PLCE1: variants seen among roughly 807,000 people sequenced by gnomAD.
PLCE1 encodes the protein phospholipase C epsilon 1.
In PLCE1, 119 loss-of-function variants were observed where a neutral mutation model predicts 242.8. The ratio of observed to expected loss-of-function variants is 0.49; its 90% CI spans 0.42 to 0.57. PLCE1 has a LOEUF of 0.57. PLCE1 is among the 20% of genes least tolerant of loss of function. PLCE1 has a pLI of 0.00. For synonymous variants in PLCE1, 945 were observed against 1,017.4 expected (o/e 0.93, Z 1.35); for missense variants, 2,441 against 2,788.8 (o/e 0.88, Z 2.81).
In PLCE1 at chr10:94,004,799, C is replaced by T. The variant is rs74151951; in HGVS notation, c.-365+10541C>T. Reference sequence around the variant, plus strand: ...GGTGGGGACAATGGTGAGCAAGGTCCCCACAGCAACTGCCCATCTGAGTTT... The same window carrying T: ...GGTGGGGACAATGGTGAGCAAGGTCTCCACAGCAACTGCCCATCTGAGTTT... On this transcript the variant is annotated intron_variant, in intron 1 of 32. Coordinates refer to ENST00000371380, the MANE Select transcript of PLCE1 (RefSeq NM_016341.4). Among the ~76,000 whole-genome samples the T allele has an allele frequency of 9.9e-4, 151 of 152,288 alleles. 1 individual carries two copies. The highest frequency in any genetic ancestry group is 3.5e-3 in the African/African-American group (145 of 41,566).
intron 4 of PLCE1, among the ~76,000 whole-genome samples, chr10:94,204,520 T>C (rs1203203272): frequency 6.6e-6 from 1 of 151,834 alleles, no homozygotes; most frequent in Non-Finnish European, 1.5e-5. Flanking sequence ...TACAAAAAAT[T>C]AGCCAGGCGT....
intron 2 of PLCE1, among the ~76,000 whole-genome samples, chr10:94,102,995 TAA>T (rs895281498): frequency 6.6e-6 from 1 of 152,240 alleles, no homozygotes; most frequent in Non-Finnish European, 1.5e-5. Flanking sequence ...TGGCATGTTT[TAA>T]AAGAGTTCTT....
At chr10:94,258,965 C>T in intron 12 of PLCE1, 43 bp downstream of exon 12, 1 of 1,614,046 alleles carries the variant, frequency 6.2e-7, no homozygotes, top group South Asian at 1.1e-5. Flanking sequence ...CAGGCCCCCC[C>T]ATTTCTATAA....
chr10:94,265,399 CCTT>C (rs2133060782), intron 14 of PLCE1, among the ~76,000 whole-genome samples: 1 of 152,210 alleles, frequency 6.6e-6, no homozygotes, highest in East Asian at 1.9e-4. Flanking sequence ...TAGAAATCAG[CCTT>C]CTTTTCTCAT....
chr10:94,227,179 G>A, intron 4 of PLCE1, 127 bp from the exon 5 acceptor site: 1 of 857,630 alleles, frequency 1.2e-6, no homozygotes, highest in East Asian at 2.7e-5. Context: ...GCCCAGCCAG[G>A]ACCTACAGGT....
At chr10:94,289,451 TGA>T (rs2052571952) in intron 22 of PLCE1, among the ~76,000 whole-genome samples, 1 of 152,186 alleles carries the variant, frequency 6.6e-6, no homozygotes, top group Non-Finnish European at 1.5e-5. Flanking sequence ...AGAGACATTC[TGA>T]GAATGCTTCA....
chr10:94,215,821 G>A (rs1173723084), intron 4 of PLCE1, among the ~76,000 whole-genome samples: 1 of 152,160 alleles, frequency 6.6e-6, no homozygotes, highest in Non-Finnish European at 1.5e-5. Context: ...TACTGGAGAG[G>A]CTGTTGTGAG....
intron 3 of PLCE1, among the ~76,000 whole-genome samples, chr10:94,139,921 G>C (rs1385224547): frequency 6.6e-6 from 1 of 152,150 alleles, no homozygotes. Flanking sequence ...TTGTCCTCAA[G>C]TAAGCCAGGA....
chr10:94,211,538 T>C (rs1249466830), intron 4 of PLCE1, among the ~76,000 whole-genome samples: 1 of 152,262 alleles, frequency 6.6e-6, no homozygotes, highest in Non-Finnish European at 1.5e-5. Context: ...ATTGATTTAT[T>C]CGTTGTTACA....
intron 2 of PLCE1, among the ~76,000 whole-genome samples, chr10:94,086,964 T>TA (rs2135309162): frequency 6.6e-6 from 1 of 152,308 alleles, no homozygotes; most frequent in African/African-American, 2.4e-5. Context: ...TGGAGGTGAT[T>TA]AGTATTCTTG....
chr10:94,234,360 C>T, intron 6 of PLCE1, 48 bp downstream of exon 6: 11 of 1,596,494 alleles, frequency 6.9e-6, no homozygotes, highest in Non-Finnish European at 9.4e-6. Flanking sequence ...CTGTTGCTGG[C>T]TGTCTCATCA....
Position 94,325,063 on chromosome 10 carries a change from A to G in PLCE1, c.6892A>G (p.Met2298Val). 2 of 1,614,072 alleles carry G rather than the reference A, an allele frequency of 1.2e-6. No homozygotes were observed. The highest frequency in any genetic ancestry group is 1.1e-5 in the South Asian group (1 of 91,082). The change falls in exon 32 of 33, where the codon ATG (methionine) becomes GTG (valine). Residue 2298 changes from methionine to valine, a missense_variant. Physicochemically the swap from Met to Val is conservative, Grantham distance 21. Transcript: ENST00000371380. The part of the protein sequence containing the change: ...PVGGLSSSDT[M>V]DYRQ ...GGGTGGCTTGTCCTCCAGTGACACA[A>G]TGGATTACCGACAGTGACTAAGGGC...
In PLCE1 at chr10:94,031,779, G is replaced by A. The variant is rs374137235; in HGVS notation, c.733G>A (p.Asp245Asn). The change falls in exon 2 of 33, where the codon GAT becomes AAT. Residue 245 changes from aspartate (D) to asparagine (N), a missense_variant. Asp to Asn is a conservative substitution (Grantham distance 23). Around this residue, in one of 5 missense-constraint regions of PLCE1, gnomAD observed 393 missense variants for 378.5 expected, o/e 1.04. Transcript: ENST00000371380. ...ACTGATGGAATTGGCCAAAAATTGT[G>A]ATAATAAGAATGAGCAGCTGCAGTG... ...CKLMELAKNC[D>N]NKNEQLQCDH... is the part of the protein sequence containing the mutation. 6 of 1,613,642 alleles carry A rather than the reference G, an allele frequency of 3.7e-6. No homozygotes were observed. The highest frequency in any genetic ancestry group is 1.6e-4 in the Middle Eastern group (1 of 6,084).
chr10:94,084,240 T>A (rs2044736791), intron 2 of PLCE1, among the ~76,000 whole-genome samples: 1 of 152,216 alleles, frequency 6.6e-6, no homozygotes, highest in Non-Finnish European at 1.5e-5. Flanking sequence ...TTTTCAAATT[T>A]ATTTTTGACC....
intron 2 of PLCE1, among the ~76,000 whole-genome samples, chr10:94,065,170 C>T (rs1271761306): frequency 6.6e-6 from 1 of 152,182 alleles, no homozygotes; most frequent in African/African-American, 2.4e-5. Context: ...CAACTCCTGC[C>T]TTCACCCGTC....
Position 94,246,002 on chromosome 10 carries a change from A to G in PLCE1, c.2477A>G (p.Glu826Gly). 1 of 1,614,132 alleles carries G rather than the reference A, an allele frequency of 6.2e-7. No individual in the cohort carries two copies. Among genetic ancestry groups the G allele is most frequent in the African/African-American group, 1.3e-5 (1 of 75,042 alleles). Residue 826 changes from glutamate (E) to glycine (G), a missense_variant, in exon 8 of 33, where the codon GAA (glutamate) becomes GGA (glycine). By Grantham distance (98) the Glu-to-Gly change is moderately conservative. Transcript: ENST00000371380. Reference protein sequence around the residue: ...SDNDIFEQSKEYDSHGSEDSQ... With the variant: ...SDNDIFEQSKGYDSHGSEDSQ... ...AATGACATCTTTGAGCAATCCAAAG[A>G]ATACGACTCTCATGGTTCAGAGGAC...
intron 2 of PLCE1, among the ~76,000 whole-genome samples, chr10:94,064,260 C>T (rs1564657712): frequency 6.6e-6 from 1 of 152,052 alleles, no homozygotes; most frequent in Non-Finnish European, 1.5e-5. Flanking sequence ...CAATTAAGAG[C>T]GTGAGCTTTG....
chr10:94,005,198 T>G (rs1355999615), intron 1 of PLCE1, among the ~76,000 whole-genome samples: 1 of 152,162 alleles, frequency 6.6e-6, no homozygotes, highest in African/African-American at 2.4e-5. Context: ...CAGACTAGAA[T>G]GTACAAGGAG....
chr10:94,258,695 T>C, intron 11 of PLCE1, 105 bp from the exon 12 acceptor site: 1 of 1,305,818 alleles, frequency 7.7e-7, no homozygotes, highest in Non-Finnish European at 1.1e-6. Context: ...TTAAATAACT[T>C]GCACTCATCC....
Sources: gnomAD v4.1 joint callset for allele counts (sites outside exome capture counted in the v4.1 genomes callset) on GRCh38, gnomAD v4.1.1 for gene constraint, gnomAD v4.1.1 regional missense constraint, MANE v1.5 for transcripts, NCBI Gene and HGNC (gene_info 2026-07-23, HGNC 2026-07-21) for gene names.